RBFOX1: variants seen among roughly 807,000 people sequenced by gnomAD.
RBFOX1 encodes RNA binding fox-1 homolog 1, also known as RNA binding protein fox-1 homolog 1.
RBFOX1 carries 8 observed loss-of-function variants against 57.7 expected under a neutral mutation model. The observed-to-expected ratio is 0.14, with a 90% CI of 0.08 to 0.25. RBFOX1 has a LOEUF of 0.25. Ranked by LOEUF, RBFOX1 falls within the 10% of genes least tolerant of loss-of-function variation. RBFOX1 has a pLI of 1.00. For synonymous variants in RBFOX1, 326 were observed against 222.4 expected, an observed-to-expected ratio of 1.47 and a Z score of -4.15; for missense variants, 611 against 548.5, an observed-to-expected ratio of 1.11 and a Z score of -1.14.
At chr16:7,573,990 T>C (rs2093057428) in intron 5 of RBFOX1, among the ~76,000 whole-genome samples, 1 of 152,162 alleles carries the variant, frequency 6.6e-6, no homozygotes, top group Non-Finnish European at 1.5e-5. Context: ...ATTAGCAAGT[T>C]TCCTAGCTTT....
At chr16:5,650,824 A>G (rs2049211043) in intron 3 of RBFOX1, among the ~76,000 whole-genome samples, 1 of 151,976 alleles carries the variant, frequency 6.6e-6, no homozygotes, top group Admixed American at 6.6e-5. Context: ...CTTATGGAGG[A>G]CGGGGCAGCA....
At chr16:5,841,925 A>C (rs1597455765) in intron 3 of RBFOX1, among the ~76,000 whole-genome samples, 1 of 152,206 alleles carries the variant, frequency 6.6e-6, no homozygotes, top group Non-Finnish European at 1.5e-5. Context: ...GAAATTAAAC[A>C]CCACCAGGTC....
At chr16:6,414,285 A>T (rs1181120430) in intron 2 of RBFOX1, among the ~76,000 whole-genome samples, 2 of 152,232 alleles carry the variant, frequency 1.3e-5, no homozygotes, top group Non-Finnish European at 2.9e-5. Flanking sequence ...TTGTGTATGT[A>T]GACATATGTA....
chr16:7,092,510 G>C (rs866584743), intron 4 of RBFOX1, among the ~76,000 whole-genome samples: 84 of 152,258 alleles, frequency 5.5e-4, no homozygotes, highest in African/African-American at 2.0e-3. Context: ...CAGTGTTCCA[G>C]CGAATGGCGA....
chr16:5,758,538 G>T (rs548667446), intron 3 of RBFOX1, among the ~76,000 whole-genome samples: 15 of 152,280 alleles, frequency 9.9e-5, no homozygotes, highest in Admixed American at 9.2e-4. Flanking sequence ...TTTCTGTGAA[G>T]TTGCTTTGTT....
chr16:5,766,678 C>A (rs1351695042), intron 3 of RBFOX1, among the ~76,000 whole-genome samples: 1 of 152,110 alleles, frequency 6.6e-6, no homozygotes, highest in Non-Finnish European at 1.5e-5. Flanking sequence ...GATCCCCCCC[C>A]AGGACCCAAA....
chr16:7,097,751 T>C (rs190980600), intron 4 of RBFOX1, among the ~76,000 whole-genome samples: 1 of 152,288 alleles, frequency 6.6e-6, no homozygotes, highest in East Asian at 1.9e-4. Flanking sequence ...AGAGAGCTAG[T>C]GCATATTTAT....
At chr16:6,712,826 C>T (rs570708879) in intron 3 of RBFOX1, among the ~76,000 whole-genome samples, 2 of 150,956 alleles carry the variant, frequency 1.3e-5, no homozygotes, top group South Asian at 4.2e-4. Context: ...TTGTAGCTCT[C>T]ATCACCCTCA....
chr16:6,790,267 C>G (rs1486334368), intron 3 of RBFOX1, among the ~76,000 whole-genome samples: 2 of 151,532 alleles, frequency 1.3e-5, no homozygotes, highest in Non-Finnish European at 2.9e-5. Context: ...TTAGTGCAAC[C>G]TCTGCCTCCA....
At chr16:5,624,268 C>T (rs1164002585) in intron 3 of RBFOX1, among the ~76,000 whole-genome samples, 1 of 152,182 alleles carries the variant, frequency 6.6e-6, no homozygotes, top group Non-Finnish European at 1.5e-5. Flanking sequence ...GATCTAGGCT[C>T]ACTGCAAGCT....
intron 2 of RBFOX1, among the ~76,000 whole-genome samples, chr16:5,542,571 T>C (rs1407174278): frequency 2.0e-5 from 3 of 152,134 alleles, no homozygotes; most frequent in African/African-American, 7.2e-5. Context: ...TTATTGATTT[T>C]ACTGAATACA....
chr16:6,672,887 G>C (rs1048210850), intron 3 of RBFOX1, among the ~76,000 whole-genome samples: 1 of 152,092 alleles, frequency 6.6e-6, no homozygotes. Flanking sequence ...TTTCCCAAGA[G>C]ACCCATTGAC....
At chr16:6,905,359 C>A (rs2069584233) in intron 3 of RBFOX1, among the ~76,000 whole-genome samples, 1 of 151,870 alleles carries the variant, frequency 6.6e-6, no homozygotes, top group South Asian at 2.1e-4. Context: ...TTCGAGACTC[C>A]CAGGCCAACA....
Position 5,244,820 on chromosome 16 carries a change from C to T in RBFOX1, c.219+4715C>T, listed in dbSNP as rs564911927. Among the ~76,000 whole-genome samples, 131 of 152,306 alleles carry T rather than the reference C, an allele frequency of 8.6e-4. 1 individual carries two copies. In the Middle Eastern group the frequency reaches 0.01, roughly 12 times the overall value. ...GAAGGAAGAAGACACGGAGCACATT[C>T]CTGTTAGCTATGACAGAGAGGGGCA... On this transcript the variant is annotated intron_variant, in intron 1 of 2. Coordinates refer to the RBFOX1 transcript ENST00000585867.
intron 4 of RBFOX1, among the ~76,000 whole-genome samples, chr16:7,237,881 G>A (rs1270509177): frequency 6.6e-6 from 1 of 152,186 alleles, no homozygotes; most frequent in Non-Finnish European, 1.5e-5. Context: ...GCACACACCT[G>A]TGAAGCCAGC....
intron 4 of RBFOX1, among the ~76,000 whole-genome samples, chr16:7,440,130 A>C (rs9930736): frequency 0.027 from 4,036 of 151,982 alleles, 181 homozygotes; most frequent in African/African-American, 0.092. Flanking sequence ...TCCTGGGCTC[A>C]AGAGACCTGC....
chr16:6,261,655 TG>T (rs34755132), intron 1 of RBFOX1, among the ~76,000 whole-genome samples: 104,728 of 151,988 alleles, frequency 0.69, 40,719 homozygotes, highest in Non-Finnish European at 0.87. Context: ...AGCGAGGCTG[TG>T]AGTGACAGAA....
chr16:7,124,734 G>A (rs1354692320), intron 4 of RBFOX1, among the ~76,000 whole-genome samples: 1 of 151,900 alleles, frequency 6.6e-6, no homozygotes, highest in Non-Finnish European at 1.5e-5. Context: ...ATACGGAAAA[G>A]GTAGCTGGCT....
At chr16:6,734,797 A>G (rs1475832469) in intron 3 of RBFOX1, among the ~76,000 whole-genome samples, 1 of 152,176 alleles carries the variant, frequency 6.6e-6, no homozygotes, top group Non-Finnish European at 1.5e-5. Flanking sequence ...ATTTGTGGAA[A>G]ATATTTTTTA....
Sources: gnomAD v4.1 joint callset for allele counts (sites outside exome capture counted in the v4.1 genomes callset) on GRCh38, gnomAD v4.1.1 for gene constraint, MANE v1.5 for transcripts, NCBI Gene and HGNC (gene_info 2026-07-23, HGNC 2026-07-21) for gene names.